Variants in NFIA observed in about 807,000 individuals in gnomAD.
NFIA encodes the protein nuclear factor I A.
NFIA carries 8 observed loss-of-function variants against 62.8 expected under a neutral mutation model. That is an observed-to-expected ratio of 0.13 (90% confidence interval 0.07 to 0.23). NFIA has a LOEUF of 0.23. Among genes scored for constraint, NFIA ranks in the 10% least tolerant of loss-of-function variants. The probability of loss-of-function intolerance (pLI) is 1.00; values close to 1 mark genes in which losing one functional copy is unlikely to be tolerated. For missense variants in NFIA, 410 were observed against 642.1 expected (o/e 0.64, Z 3.91); for synonymous variants, 235 against 238.1 (o/e 0.99, Z 0.12).
intron 2 of NFIA, among the ~76,000 whole-genome samples, chr1:61,210,180 G>A (rs1485720596): frequency 3.3e-5 from 5 of 152,166 alleles, no homozygotes; most frequent in Non-Finnish European, 7.4e-5. Flanking sequence ...TTAGCTCAGG[G>A]CTGTCTCATT....
At chr1:61,233,317 C>A (rs1235214449) in intron 2 of NFIA, among the ~76,000 whole-genome samples, 3 of 152,104 alleles carry the variant, frequency 2.0e-5, no homozygotes, top group Non-Finnish European at 1.5e-5. Context: ...GAACTAGAGG[C>A]CAAAGATCAT....
At chr1:61,301,047 A>G (rs1466243770) in intron 3 of NFIA, among the ~76,000 whole-genome samples, 2 of 152,146 alleles carry the variant, frequency 1.3e-5, no homozygotes, top group African/African-American at 2.4e-5. Flanking sequence ...ATGATTAATC[A>G]TGTGGTTCTC....
intron 2 of NFIA, among the ~76,000 whole-genome samples, chr1:61,257,864 T>C (rs1281974054): frequency 3.5e-5 from 5 of 144,430 alleles, no homozygotes; most frequent in Admixed American, 2.8e-4. Flanking sequence ...CTTAGCTGTT[T>C]TTTTTTTTTT....
chr1:61,404,064 GTCTT>G (rs1364614478), intron 7 of NFIA, 36 bp from the exon 8 acceptor site: 1 of 1,606,124 alleles, frequency 6.2e-7, no homozygotes, highest in African/African-American at 1.3e-5. Context: ...GACAAAGCAG[GTCTT>G]TCTTTTCATA....
At chr1:61,194,859 G>T (rs1490966716) in intron 2 of NFIA, among the ~76,000 whole-genome samples, 1 of 152,146 alleles carries the variant, frequency 6.6e-6, no homozygotes, top group Non-Finnish European at 1.5e-5. Context: ...TCTCAAAACT[G>T]TTTAATGAGT....
At chr1:61,244,614 G>A (rs1053213766) in intron 2 of NFIA, among the ~76,000 whole-genome samples, 1 of 152,170 alleles carries the variant, frequency 6.6e-6, no homozygotes, top group Non-Finnish European at 1.5e-5. Context: ...CTGGGTTTGG[G>A]TCAGACATTC....
In NFIA at chr1:61,317,535, A is replaced by C. The variant is rs1660429454; in HGVS notation, c.626-14977A>C. Among the ~76,000 whole-genome samples, 8 of 152,092 alleles carry C rather than the reference A, an allele frequency of 5.3e-5. 1 individual carries two copies. In the South Asian group the frequency reaches 1.7e-3, roughly 32 times the overall value. On this transcript the variant is annotated intron_variant, in intron 3 of 10. Transcript: ENST00000403491. ...ATTTAAAATAGCTTAGAGACTAAGT[A>C]CTGTTATTTCTCACTTTTTGTAGAA...
At chr1:61,155,892 T>A (rs983623426) in intron 2 of NFIA, among the ~76,000 whole-genome samples, 1 of 152,118 alleles carries the variant, frequency 6.6e-6, no homozygotes, top group African/African-American at 2.4e-5. Flanking sequence ...ATCGCAGCAC[T>A]TTGGGAGGCC....
intron 2 of NFIA, among the ~76,000 whole-genome samples, chr1:61,210,870 C>T (rs978161832): frequency 2.4e-4 from 36 of 152,156 alleles, no homozygotes; most frequent in African/African-American, 8.4e-4. Flanking sequence ...AAGAGAAGAG[C>T]GTAATATTCT....
intron 2 of NFIA, among the ~76,000 whole-genome samples, chr1:61,158,814 A>G (rs866089119): frequency 2.0e-5 from 3 of 152,210 alleles, no homozygotes; most frequent in African/African-American, 7.2e-5. Context: ...AGACCATTAA[A>G]GCAGTATTTA....
intron 2 of NFIA, among the ~76,000 whole-genome samples, chr1:61,149,452 A>G (rs1051943560): frequency 1.6e-4 from 25 of 152,144 alleles, no homozygotes; most frequent in Admixed American, 1.6e-3. Context: ...TGCTTTAGTG[A>G]TATAAGATTC....
intron 7 of NFIA, among the ~76,000 whole-genome samples, chr1:61,385,213 G>A (rs1664617078): frequency 6.6e-6 from 1 of 151,442 alleles, no homozygotes; most frequent in Non-Finnish European, 1.5e-5. Context: ...CTCCAGCCTG[G>A]GCAACAGAGC....
intron 2 of NFIA, chr1:61,251,505 AAC>A (rs1158395287): frequency 2.6e-5 from 4 of 152,216 alleles, no homozygotes; most frequent in Non-Finnish European, 5.9e-5. Flanking sequence ...TCATATATGT[AAC>A]ACAATTATGT....
intron 9 of NFIA, among the ~76,000 whole-genome samples, chr1:61,418,507 ACTCT>A: frequency 6.6e-6 from 1 of 151,698 alleles, no homozygotes. Context: ...AAAGACAATC[ACTCT>A]CTGTGCATAT....
intron 2 of NFIA, among the ~76,000 whole-genome samples, chr1:61,122,205 G>A (rs952137681): frequency 3.3e-5 from 5 of 152,138 alleles, no homozygotes; most frequent in African/African-American, 1.2e-4. Context: ...CTGTATCATA[G>A]TTTCTTTTTA....
At chr1:61,230,040 A>C (rs1654574829) in intron 2 of NFIA, among the ~76,000 whole-genome samples, 1 of 152,212 alleles carries the variant, frequency 6.6e-6, no homozygotes, top group African/African-American at 2.4e-5. Flanking sequence ...AATTATAACT[A>C]TCTGAAAGGA....
chr1:61,459,232 T>C lies in NFIA; in HGVS notation c.*3912T>C, dbSNP rs1161814500. 1 of 152,238 alleles carries C rather than the reference T, an allele frequency of 6.6e-6. No individual in the cohort carries two copies. The highest frequency in any genetic ancestry group is 1.5e-5 in the Non-Finnish European group (1 of 68,120). The allele number at this position is 152,238 out of a possible 1,614,324, so 9.4% of individuals were successfully genotyped here. A position where few individuals can be genotyped will look rare whatever the true frequency, so the allele number is the denominator to read the frequency against. On this transcript the variant is annotated 3_prime_UTR_variant, in exon 11 of 11. Transcript: ENST00000403491. ...TCCCATCAAATGGCATTAACAAGATTGGGCAAAGATGAGTCCCTCAAATTT... is the reference window on the plus strand; with the variant it reads ...TCCCATCAAATGGCATTAACAAGATCGGGCAAAGATGAGTCCCTCAAATTT...
At chr1:61,277,728 T>C (rs920676859) in intron 3 of NFIA, 143 bp downstream of exon 3, 33 of 735,994 alleles carry the variant, frequency 4.5e-5, no homozygotes, top group Non-Finnish European at 7.4e-5. Flanking sequence ...CTCAAGTAGA[T>C]TACTTTTAAT....
At chr1:61,269,895 T>C (rs1266957798) in intron 2 of NFIA, among the ~76,000 whole-genome samples, 4 of 152,234 alleles carry the variant, frequency 2.6e-5, no homozygotes, top group African/African-American at 9.6e-5. Flanking sequence ...GCATACATCT[T>C]GTTACAAAGA....
Sources: allele counts gnomAD v4.1 joint callset (sites outside exome capture counted in the v4.1 genomes callset), GRCh38; gene constraint gnomAD v4.1.1; transcripts MANE v1.5; gene names NCBI Gene and HGNC (gene_info 2026-07-23, HGNC 2026-07-21).